Variants in CABP5 observed in about 807,000 individuals in gnomAD.
The protein encoded by CABP5 is calcium-binding protein 5.
A neutral mutation model predicts 21.9 loss-of-function variants in CABP5; 17 were observed. The ratio of observed to expected loss-of-function variants is 0.78; its 90% CI spans 0.53 to 1.17. The LOEUF is 1.17. Among genes scored for constraint, CABP5 ranks in the 50% most tolerant of loss-of-function variants. CABP5 has a pLI of 0.00. For missense variants in CABP5, 229 were observed against 228.9 expected (o/e 1.00, Z 0.00); for synonymous variants, 85 against 79.4 (o/e 1.07, Z -0.37).
At chr19:48,041,033 T>C (rs12985383) in intron 2 of CABP5, among the ~76,000 whole-genome samples, 64,548 of 151,670 alleles carry the variant, frequency 0.43, 14,153 homozygotes, top group Non-Finnish European at 0.48. Flanking sequence ...AAAAATTAGC[T>C]GGGCATGGTG....
chr19:48,043,936 G>A lies in CABP5; in HGVS notation c.-14C>T. 6.6e-7 allele frequency: 1 copy of A among 1,506,576 alleles called. No individual in the cohort carries two copies. The highest frequency in any genetic ancestry group is 8.8e-7 in the Non-Finnish European group (1 of 1,133,692). 93.3% of individuals were successfully genotyped at this position (1,506,576 alleles called of 1,614,324 possible). A position where few individuals can be genotyped will look rare whatever the true frequency, so the allele number is the denominator to read the frequency against. On this transcript the variant is annotated 5_prime_UTR_variant, in exon 1 of 6. Coordinates refer to ENST00000293255, the MANE Select transcript of CABP5 (RefSeq NM_019855.5). ...GGGGAACTGCATGGAGGGGTGGGGT[G>A]GAGCTCGCAGGGCACCAGTCTCAAG...
chr19:48,039,276 T>A lies in CABP5; in HGVS notation c.280A>T (p.Thr94Ser). ...GCTGTTTCTGCAAGCAATTTGGGGG[T>A]CATCAGCTCCACAAAGTCATCAAAG... ...VDFDDFVELMTPKLLAETAGM... is the reference protein window; with the variant it reads ...VDFDDFVELMSPKLLAETAGM... Residue 94 changes from threonine (T) to serine (S), a missense_variant, in exon 4 of 6, where the codon ACC becomes TCC. Physicochemically the swap from Thr to Ser is moderately conservative, Grantham distance 58. Coordinates refer to ENST00000293255, the MANE Select transcript of CABP5 (RefSeq NM_019855.5). 1 of 1,613,988 alleles carries A rather than the reference T, an allele frequency of 6.2e-7. No homozygotes were observed. Among genetic ancestry groups the A allele is most frequent in the Non-Finnish European group, 8.5e-7 (1 of 1,179,992 alleles).
At chr19:48,036,341 T>C (rs1044144484) in intron 4 of CABP5, among the ~76,000 whole-genome samples, 3 of 152,226 alleles carry the variant, frequency 2.0e-5, no homozygotes, top group Admixed American at 6.5e-5. Flanking sequence ...TCCTCCAGGT[T>C]CATTTGTGTT....
chr19:48,043,808 C>T, intron 1 of CABP5, 52 bp downstream of exon 1: 1 of 1,420,594 alleles, frequency 7.0e-7, no homozygotes. Context: ...TGTCCCACAC[C>T]CCTGCTCCCT....
chr19:48,039,423 T>A, intron 3 of CABP5, 106 bp from the exon 4 acceptor site: 1 of 813,954 alleles, frequency 1.2e-6, no homozygotes, highest in Non-Finnish European at 2.1e-6. Context: ...CCCTGCCCTA[T>A]AAGAGCCGTC....
At chr19:48,037,254 T>C (rs981392117) in intron 4 of CABP5, among the ~76,000 whole-genome samples, 2 of 133,862 alleles carry the variant, frequency 1.5e-5, no homozygotes, top group Admixed American at 1.7e-4. Flanking sequence ...TGGAATACTA[T>C]TCAGCTTTTT....
chr19:48,038,467 G>T (rs875765), intron 4 of CABP5, among the ~76,000 whole-genome samples: 15,259 of 152,212 alleles, frequency 0.1, 784 homozygotes, highest in African/African-American at 0.12. Flanking sequence ...GTTCGTACCA[G>T]ATGACCACTT....
chr19:48,039,212 T>G lies in CABP5; in HGVS notation c.344A>C (p.Lys115Thr). 1 of 1,613,274 alleles carries G rather than the reference T, an allele frequency of 6.2e-7. No individual in the cohort carries two copies. Among genetic ancestry groups the G allele is most frequent in the Non-Finnish European group, 8.5e-7 (1 of 1,179,218 alleles). Reference sequence around the variant, plus strand: ...ACCATGACACTGTTAACTCACCTCCTTGAAGGCATCCCGCATCTCCTGGAC... The same window carrying G: ...ACCATGACACTGTTAACTCACCTCCGTGAAGGCATCCCGCATCTCCTGGAC... ...IGVQEMRDAF[K>T]EFDTNGDGEI... The change falls in exon 4 of 6, where the codon AAG becomes ACG. Residue 115 changes from lysine (K) to threonine (T), a missense_variant. By Grantham distance (78) the Lys-to-Thr change is moderately conservative. Transcript: ENST00000293255.
intron 4 of CABP5, 25 bp from the exon 5 acceptor site, chr19:48,034,387 T>C (rs759015440): frequency 3.4e-6 from 5 of 1,469,880 alleles, no homozygotes; most frequent in Non-Finnish European, 9.1e-7. Context: ...AAATAGATTA[T>C]ATCAGCAATG....
At chr19:48,037,441 T>C (rs1293093446) in intron 4 of CABP5, among the ~76,000 whole-genome samples, 3 of 151,730 alleles carry the variant, frequency 2.0e-5, no homozygotes, top group African/African-American at 4.8e-5. Flanking sequence ...GCTAATTTTG[T>C]ATTTTTAGTA....
Position 48,036,053 on chromosome 19 carries a change from G to A in CABP5, c.349-1691C>T, listed in dbSNP as rs147412869. Among the ~76,000 whole-genome samples, 42 of 152,322 alleles carry A rather than the reference G, an allele frequency of 2.8e-4. 2 individuals carry two copies. The East Asian group carries it at 7.5e-3, about 27-fold the overall frequency. On this transcript the variant is annotated intron_variant, in intron 4 of 5. Coordinates refer to ENST00000293255, the MANE Select transcript of CABP5 (RefSeq NM_019855.5). ...CTGGTAGGAGATGGTTGTGGTTTGA[G>A]CCAGTTAGCACCAGCAGAGCTCAAG...
chr19:48,040,712 C>T lies in CABP5; in HGVS notation c.131G>A (p.Arg44Gln), dbSNP rs111484042. 6.3e-3 allele frequency: 10,116 copies of T among 1,614,032 alleles called. 316 individuals are homozygous for T. The African/African-American group carries it at 0.076, about 12-fold the overall frequency. The part of the protein sequence containing the change: ...REAFLEFDKD[R>Q]DGFISCKDLG... The stretch of plus-strand genomic sequence containing the variant: ...ATCCTTACAAGAGATGAACCCATCT[C>T]GGTCCTTATCGAACTCAAGAAATGC... The change falls in exon 3 of 6, where the codon CGA (arginine) becomes CAA (glutamine). Residue 44 changes from arginine (R) to glutamine (Q), a missense_variant. By Grantham distance (43) the Arg-to-Gln change is conservative. Coordinates refer to ENST00000293255, the MANE Select transcript of CABP5 (RefSeq NM_019855.5).
chr19:48,043,289 G>A (rs1463935091), intron 1 of CABP5, among the ~76,000 whole-genome samples: 1 of 145,378 alleles, frequency 6.9e-6, no homozygotes, highest in Non-Finnish European at 1.5e-5. Flanking sequence ...ATTCAGGCAT[G>A]AGCCACTATA....
chr19:48,043,822 C>A (rs767732934), intron 1 of CABP5, 38 bp downstream of exon 1: 6 of 1,462,742 alleles, frequency 4.1e-6, no homozygotes, highest in South Asian at 1.4e-5. Context: ...GCTCCCTTTG[C>A]CCCGCCCACC....
intron 4 of CABP5, among the ~76,000 whole-genome samples, chr19:48,036,583 G>A (rs1453918434): frequency 6.6e-6 from 1 of 152,208 alleles, no homozygotes; most frequent in Non-Finnish European, 1.5e-5. Context: ...AGGTTCTAGA[G>A]ATCTGCTGTG....
At chr19:48,037,285 T>TTTTTTA (rs1967422079) in intron 4 of CABP5, among the ~76,000 whole-genome samples, 2 of 131,578 alleles carry the variant, frequency 1.5e-5, no homozygotes, top group African/African-American at 3.2e-5. Context: ...TTTTTTTTTT[T>TTTTTTA]GAGGTGGAGT....
intron 4 of CABP5, among the ~76,000 whole-genome samples, chr19:48,036,979 G>C (rs1241788008): frequency 6.6e-6 from 1 of 152,138 alleles, no homozygotes; most frequent in African/African-American, 2.4e-5. Flanking sequence ...GGGAACCCTG[G>C]TACACTTTTG....
At chr19:48,040,832 C>T (rs376392220) in intron 2 of CABP5, 84 bp from the exon 3 acceptor site, 1 of 1,310,046 alleles carries the variant, frequency 7.6e-7, no homozygotes, top group African/African-American at 1.5e-5. Context: ...AATGAGGCTC[C>T]AACTAGAGAC....
chr19:48,042,074 G>A (rs900612667), intron 1 of CABP5, among the ~76,000 whole-genome samples: 5 of 152,118 alleles, frequency 3.3e-5, no homozygotes. Flanking sequence ...GAACAGAGAG[G>A]TTAAGGAACC....
Sources: gnomAD v4.1 joint callset for allele counts (sites outside exome capture counted in the v4.1 genomes callset) on GRCh38, gnomAD v4.1.1 for gene constraint, MANE v1.5 for transcripts, NCBI Gene and HGNC (gene_info 2026-07-23, HGNC 2026-07-21) for gene names.